The following ATF6 variants were observed in gnomAD, a reference collection of about 807,000 sequenced individuals.
ATF6 encodes activating transcription factor 6.
Under a neutral mutation model 83.6 loss-of-function variants are expected in ATF6, and 53 were observed. The ratio of observed to expected loss-of-function variants is 0.63; its 90% CI spans 0.51 to 0.80. ATF6 has a LOEUF of 0.80. ATF6 is among the 30% of genes least tolerant of loss of function. The probability of loss-of-function intolerance (pLI) is 0.00; values close to 1 mark genes in which losing one functional copy is unlikely to be tolerated. For synonymous variants in ATF6, 288 were observed against 285.8 expected, an observed-to-expected ratio of 1.01 and a Z score of -0.08; for missense variants, 744 against 797.9, an observed-to-expected ratio of 0.93 and a Z score of 0.81.
At chr1:161,769,854 C>T (rs753986175) in intron 1 of ATF6, among the ~76,000 whole-genome samples, 4 of 152,020 alleles carry the variant, frequency 2.6e-5, no homozygotes, top group African/African-American at 9.7e-5. Context: ...GGAGCTCAGG[C>T]GGTAATGCAA....
At chr1:161,823,412 T>A (rs918298255) in intron 9 of ATF6, among the ~76,000 whole-genome samples, 4 of 152,144 alleles carry the variant, frequency 2.6e-5, no homozygotes, top group African/African-American at 7.2e-5. Context: ...AAAATTGAAA[T>A]AGCATATTGA....
intron 14 of ATF6, among the ~76,000 whole-genome samples, chr1:161,885,356 G>C (rs1184913010): frequency 1.3e-5 from 2 of 152,106 alleles, no homozygotes. Flanking sequence ...CAAACATGTA[G>C]TACTGCGTAA....
At chr1:161,804,071 C>A (rs1051394280) in intron 7 of ATF6, among the ~76,000 whole-genome samples, 1 of 147,144 alleles carries the variant, frequency 6.8e-6, no homozygotes, top group Non-Finnish European at 1.5e-5. Flanking sequence ...CAATTCCCAC[C>A]TATGAGTGAG....
chr1:161,845,229 A>C (rs1454957092), intron 9 of ATF6, among the ~76,000 whole-genome samples: 1 of 152,194 alleles, frequency 6.6e-6, no homozygotes, highest in Non-Finnish European at 1.5e-5. Context: ...AACTACTATT[A>C]TCTCAAAGAA....
chr1:161,871,626 T>C (rs1036558971), intron 14 of ATF6, among the ~76,000 whole-genome samples: 1 of 151,638 alleles, frequency 6.6e-6, no homozygotes, highest in Admixed American at 6.6e-5. Context: ...CTTCACATCA[T>C]GAATATGTGA....
chr1:161,776,866 A>G (rs1684526507), intron 1 of ATF6, among the ~76,000 whole-genome samples: 1 of 152,224 alleles, frequency 6.6e-6, no homozygotes, highest in Non-Finnish European at 1.5e-5. Context: ...CTCAGCTGAG[A>G]TTACCAAGGA....
intron 15 of ATF6, among the ~76,000 whole-genome samples, chr1:161,932,665 G>T (rs1230455977): frequency 6.6e-6 from 1 of 152,110 alleles, no homozygotes; most frequent in African/African-American, 2.4e-5. Flanking sequence ...AAACTTTAAT[G>T]GCTTAAAGCA....
chr1:161,803,488 A>G (rs1422780705), intron 7 of ATF6, among the ~76,000 whole-genome samples: 1 of 152,184 alleles, frequency 6.6e-6, no homozygotes, highest in Non-Finnish European at 1.5e-5. Context: ...GGACTAGAAG[A>G]GGTAAGCACA....
At chr1:161,894,575 C>T (rs796410605) in intron 14 of ATF6, among the ~76,000 whole-genome samples, 1 of 119,184 alleles carries the variant, frequency 8.4e-6, no homozygotes, top group African/African-American at 3.3e-5. Context: ...TTCACTCTGT[C>T]ACCCAGGCTG....
At chr1:161,900,833 AATAG>A (rs1324436314) in intron 14 of ATF6, among the ~76,000 whole-genome samples, 1 of 152,146 alleles carries the variant, frequency 6.6e-6, no homozygotes, top group African/African-American at 2.4e-5. Context: ...TTACATTTGA[AATAG>A]ATAATTAAGC....
In ATF6 at chr1:161,819,748, T is replaced by G. The variant is rs1685705011; in HGVS notation, c.1025T>G (p.Leu342Arg). The change falls in exon 8 of 16, where the codon CTC becomes CGC. Residue 342 changes from leucine (L) to arginine (R), a missense_variant. Physicochemically the swap from Leu to Arg is moderately radical, Grantham distance 102. Coordinates refer to ENST00000367942, the MANE Select transcript of ATF6 (RefSeq NM_007348.4). The stretch of plus-strand genomic sequence containing the variant: ...TTAGAGGCGAGATTAAAGGCTGCCC[T>G]CTCAGAAAACGAGCAACTGAAGAAA... The part of the protein sequence containing the change: ...LGLEARLKAA[L>R]SENEQLKKEN... 4 of 1,612,748 alleles carry G rather than the reference T, an allele frequency of 2.5e-6. No homozygotes were observed. In the South Asian group the frequency reaches 3.3e-5, roughly 13 times the overall value.
In ATF6 at chr1:161,959,004, C is replaced by A; in HGVS notation, c.*350C>A. 1 of 180,920 alleles carries A rather than the reference C, an allele frequency of 5.5e-6. No homozygotes were observed. The highest frequency in any genetic ancestry group is 1.4e-4 in the East Asian group (1 of 7,182). 11.2% of individuals were successfully genotyped at this position (180,920 alleles called of 1,614,324 possible). A position where few individuals can be genotyped will look rare whatever the true frequency, so the allele number is the denominator to read the frequency against. ...CAGTCATCTTCTTTTAAATAATATC[C>A]ACCTCTCCTTTTTGCCATTTCACTT... On this transcript the variant is annotated 3_prime_UTR_variant, in exon 16 of 16. Coordinates refer to ENST00000367942, the MANE Select transcript of ATF6 (RefSeq NM_007348.4).
intron 7 of ATF6, among the ~76,000 whole-genome samples, chr1:161,818,832 G>C (rs1471683604): frequency 6.6e-6 from 1 of 152,180 alleles, no homozygotes; most frequent in Non-Finnish European, 1.5e-5. Context: ...AAGATGGGTA[G>C]CAGGGATACA....
At chr1:161,798,725 A>G (rs990532499) in intron 6 of ATF6, among the ~76,000 whole-genome samples, 1 of 152,228 alleles carries the variant, frequency 6.6e-6, no homozygotes, top group Non-Finnish European at 1.5e-5. Flanking sequence ...ACAAAGGTCT[A>G]ATCTCCAGAA....
intron 6 of ATF6, among the ~76,000 whole-genome samples, chr1:161,801,849 G>A (rs1260268619): frequency 6.6e-6 from 1 of 152,162 alleles, no homozygotes; most frequent in Non-Finnish European, 1.5e-5. Flanking sequence ...AACTCAAAGA[G>A]ATGAATTTAG....
Position 161,802,112 on chromosome 1 carries a change from C to G in ATF6, c.749C>G (p.Pro250Arg). 1.2e-6 allele frequency: 2 copies of G among 1,614,082 alleles called. No homozygotes were observed. Among genetic ancestry groups the G allele is most frequent in the Non-Finnish European group, 1.7e-6 (2 of 1,180,002 alleles). ...VVQLQAPGVL[P>R]SAQPVLAVAG... ...CAACTTCAAGCACCTGGAGTTCTGC[C>G]CTCTGCTCAGCCAGTCCTTGCTGTT... The change falls in exon 7 of 16, where the codon CCC becomes CGC. Residue 250 changes from proline (P) to arginine (R), a missense_variant. Coordinates refer to ENST00000367942, the MANE Select transcript of ATF6 (RefSeq NM_007348.4).
intron 1 of ATF6, among the ~76,000 whole-genome samples, chr1:161,770,844 A>G (rs1465211555): frequency 6.6e-6 from 1 of 152,222 alleles, no homozygotes; most frequent in Non-Finnish European, 1.5e-5. Context: ...GTAAATATCA[A>G]GGAGCACAAT....
At chr1:161,868,539 CT>C (rs1385466575) in intron 14 of ATF6, among the ~76,000 whole-genome samples, 1 of 152,090 alleles carries the variant, frequency 6.6e-6, no homozygotes, top group Non-Finnish European at 1.5e-5. Flanking sequence ...GTGACTACCC[CT>C]GACACTCAGC....
intron 14 of ATF6, among the ~76,000 whole-genome samples, chr1:161,900,172 T>G (rs968745434): frequency 2.0e-5 from 3 of 152,252 alleles, no homozygotes; most frequent in East Asian, 3.8e-4. Flanking sequence ...CACATTTATT[T>G]CAATATTTAA....
Sources: allele counts gnomAD v4.1 joint callset (sites outside exome capture counted in the v4.1 genomes callset), GRCh38; gene constraint gnomAD v4.1.1; transcripts MANE v1.5; gene names NCBI Gene and HGNC (gene_info 2026-07-23, HGNC 2026-07-21).